UTRN: variants seen among roughly 807,000 people sequenced by gnomAD.
The protein encoded by UTRN is dystrophin-related protein 1.
In UTRN, 283 loss-of-function variants were observed where a neutral mutation model predicts 463.9. The observed-to-expected ratio is 0.61, with a 90% CI of 0.55 to 0.67. The LOEUF is 0.67. UTRN is among the 30% of genes least tolerant of loss of function. The pLI is 0.00. For missense variants in UTRN, 3,922 were observed against 4,084.3 expected (o/e 0.96, Z 1.08); for synonymous variants, 1,442 against 1,431.5 (o/e 1.01, Z -0.17).
intron 51 of UTRN, among the ~76,000 whole-genome samples, chr6:144,627,944 TG>T (rs1776118447): frequency 6.6e-6 from 1 of 151,558 alleles, no homozygotes; most frequent in African/African-American, 2.4e-5. Flanking sequence ...GGATTATGGG[TG>T]TACAACACCA....
chr6:144,326,363 A>T (rs868831621), intron 2 of UTRN, among the ~76,000 whole-genome samples: 13 of 151,672 alleles, frequency 8.6e-5, no homozygotes, highest in East Asian at 1.9e-4. Flanking sequence ...GTTGTTAGGC[A>T]TAGTCATCCT....
At chr6:144,639,311 T>A (rs1233000587) in intron 51 of UTRN, among the ~76,000 whole-genome samples, 1 of 152,184 alleles carries the variant, frequency 6.6e-6, no homozygotes, top group Non-Finnish European at 1.5e-5. Context: ...TTTTTTTCAC[T>A]TTTTTTCTTT....
rs554339059 is a variant in UTRN, at chr6:144,565,955, T to C, written c.7289+8644T>C. 1.2e-4 allele frequency among the ~76,000 whole-genome samples: 19 copies of C among 152,264 alleles called. No individual in the cohort carries two copies. In the South Asian group the frequency reaches 3.9e-3, roughly 32 times the overall value. On this transcript the variant is annotated intron_variant, in intron 50 of 74. Coordinates refer to ENST00000367545, the MANE Select transcript of UTRN (RefSeq NM_007124.3). ...TTAAAATGGATTATAGTAAAGCATG[T>C]TTGTGTGCCTATGAGAATGACCCAC...
chr6:144,852,963 T>C lies in UTRN; in HGVS notation c.*1966T>C, dbSNP rs1251626447. ...TCTTTTGAAATATGTGGTAAAGAAC[T>C]AATCACAGACTATCATCTAATCTGG... On this transcript the variant is annotated 3_prime_UTR_variant, in exon 75 of 75. Coordinates refer to ENST00000367545, the MANE Select transcript of UTRN (RefSeq NM_007124.3). 6.6e-6 allele frequency: 1 copy of C among 152,410 alleles called. No individual in the cohort carries two copies. The highest frequency in any genetic ancestry group is 1.9e-4 in the East Asian group (1 of 5,200). 9.4% of individuals were successfully genotyped at this position (152,410 alleles called of 1,614,324 possible).
intron 51 of UTRN, among the ~76,000 whole-genome samples, chr6:144,650,760 T>C (rs1031798775): frequency 6.6e-6 from 1 of 151,978 alleles, no homozygotes; most frequent in Non-Finnish European, 1.5e-5. Context: ...AATACGAAAA[T>C]TAGCCAGGTG....
At chr6:144,550,858 A>T in intron 47 of UTRN, 107 bp from the exon 48 acceptor site, 1 of 898,044 alleles carries the variant, frequency 1.1e-6, no homozygotes, top group Non-Finnish European at 1.6e-6. Context: ...TCACTATGCC[A>T]TAGAGGAGGA....
chr6:144,349,688 ATAT>A (rs1463127389), intron 2 of UTRN, among the ~76,000 whole-genome samples: 7 of 152,196 alleles, frequency 4.6e-5, no homozygotes, highest in Admixed American at 4.6e-4. Flanking sequence ...TGTTTTTGAT[ATAT>A]TTTTCCTTGG....
At chr6:144,634,060 C>T (rs1562682902) in intron 51 of UTRN, among the ~76,000 whole-genome samples, 1 of 152,256 alleles carries the variant, frequency 6.6e-6, no homozygotes, top group East Asian at 1.9e-4. Flanking sequence ...TCCTATTGTT[C>T]AGCCCCATTC....
At chr6:144,424,440 G>A (rs1785117287) in intron 6 of UTRN, among the ~76,000 whole-genome samples, 1 of 152,002 alleles carries the variant, frequency 6.6e-6, no homozygotes, top group Non-Finnish European at 1.5e-5. Flanking sequence ...TTGGATTTAG[G>A]GCCCACATTA....
chr6:144,490,845 A>G lies in UTRN; in HGVS notation c.4264-84A>G, dbSNP rs1021950933. 8 of 1,432,808 alleles carry G rather than the reference A, an allele frequency of 5.6e-6. No homozygotes were observed. In the Admixed American group the frequency reaches 1.5e-4, roughly 27 times the overall value. 88.8% of individuals were successfully genotyped at this position (1,432,808 alleles called of 1,614,324 possible). On this transcript the variant is annotated intron_variant, in intron 31 of 74. Coordinates refer to ENST00000367545, the MANE Select transcript of UTRN (RefSeq NM_007124.3). ...TTTTTCTTTTGGTACTTTATGGTAC[A>G]AATTTTTAGTAGTATCTGTTATGCT...
At chr6:144,836,065 G>A in intron 70 of UTRN, 127 bp downstream of exon 70, 1 of 1,456,872 alleles carries the variant, frequency 6.9e-7, no homozygotes, top group Non-Finnish European at 9.2e-7. Context: ...AATTTTAGAG[G>A]CTATTAACAA....
At chr6:144,709,177 T>C (rs9403589) in intron 53 of UTRN, among the ~76,000 whole-genome samples, 15,967 of 152,242 alleles carry the variant, frequency 0.1, 1,209 homozygotes, top group East Asian at 0.45. Flanking sequence ...TTTTAGTTCA[T>C]GTACCCATTT....
intron 51 of UTRN, among the ~76,000 whole-genome samples, chr6:144,653,135 C>T (rs905633751): frequency 1.7e-4 from 26 of 152,072 alleles, no homozygotes; most frequent in African/African-American, 4.8e-5. Context: ...CCTTCCAGGT[C>T]GCCATTATTG....
chr6:144,571,270 A>C (rs919786144), intron 50 of UTRN, among the ~76,000 whole-genome samples: 1 of 152,060 alleles, frequency 6.6e-6, no homozygotes, highest in Non-Finnish European at 1.5e-5. Context: ...GGGTTTGGGG[A>C]AGGATAAAAC....
intron 62 of UTRN, among the ~76,000 whole-genome samples, chr6:144,790,805 C>T (rs1322346985): frequency 1.3e-5 from 2 of 152,184 alleles, no homozygotes; most frequent in African/African-American, 4.8e-5. Flanking sequence ...TTTTTATCAT[C>T]TCTGATTTGG....
chr6:144,482,819 C>A (rs1792037903), intron 27 of UTRN, among the ~76,000 whole-genome samples: 1 of 151,904 alleles, frequency 6.6e-6, no homozygotes, highest in Non-Finnish European at 1.5e-5. Context: ...TGAGTGGTGT[C>A]TAAAGTTCAA....
chr6:144,621,513 C>A (rs185531183), intron 51 of UTRN, among the ~76,000 whole-genome samples: 1 of 152,092 alleles, frequency 6.6e-6, no homozygotes, highest in Non-Finnish European at 1.5e-5. Flanking sequence ...TCTTGGGCTC[C>A]CATAGCACTT....
chr6:144,659,816 C>G (rs917792381), intron 51 of UTRN: 8 of 147,826 alleles, frequency 5.4e-5, no homozygotes, highest in African/African-American at 2.0e-4. Flanking sequence ...GATATAGCTT[C>G]TTTTTTTGCT....
Position 144,649,694 on chromosome 6 carries a change from G to A in UTRN, c.7480-28712G>A, listed in dbSNP as rs886404984. On this transcript the variant is annotated intron_variant, in intron 51 of 74. Coordinates refer to ENST00000367545, the MANE Select transcript of UTRN (RefSeq NM_007124.3). ...TTTTTTTTTAATGTTAAGTGTTTTC[G>A]ATGGAGCATAAACAGAACTTGCAAG... Among the ~76,000 whole-genome samples the A allele has an allele frequency of 3.9e-5, 6 of 152,224 alleles. No homozygotes were observed. The East Asian group carries it at 7.7e-4, about 20-fold the overall frequency.
Sources: allele counts gnomAD v4.1 joint callset (sites outside exome capture counted in the v4.1 genomes callset), GRCh38; gene constraint gnomAD v4.1.1; transcripts MANE v1.5; gene names NCBI Gene and HGNC (gene_info 2026-07-23, HGNC 2026-07-21).